Variants in CSNK2A2IP observed in about 807,000 individuals in gnomAD.
The protein encoded by CSNK2A2IP is casein kinase II subunit alpha'-interacting protein.
the CSNK2A2IP span, among the ~76,000 whole-genome samples, chr3:88,399,029 G>A: frequency 1.3e-5 from 2 of 151,860 alleles, no homozygotes; most frequent in Non-Finnish European, 2.9e-5. Context: ...CACATAAGGA[G>A]GTCTGTCAGA....
chr3:88,442,572 A>G, the CSNK2A2IP span, among the ~76,000 whole-genome samples: 1 of 152,148 alleles, frequency 6.6e-6, no homozygotes, highest in Non-Finnish European at 1.5e-5. Context: ...GCATTATTGA[A>G]CATTATACCA....
the CSNK2A2IP span, among the ~76,000 whole-genome samples, chr3:88,341,099 G>T: frequency 6.6e-6 from 1 of 151,804 alleles, no homozygotes; most frequent in Non-Finnish European, 1.5e-5. Context: ...AAGTTTTTAT[G>T]TGAAATAATA....
At chr3:88,388,593 T>C in the CSNK2A2IP span, among the ~76,000 whole-genome samples, 1 of 152,192 alleles carries the variant, frequency 6.6e-6, no homozygotes, top group Non-Finnish European at 1.5e-5. Context: ...AGAATATAAA[T>C]GCATCCAAGT....
the CSNK2A2IP span, among the ~76,000 whole-genome samples, chr3:88,400,355 G>A: frequency 1.3e-5 from 2 of 152,064 alleles, no homozygotes; most frequent in Non-Finnish European, 2.9e-5. Flanking sequence ...TAATGCTGCG[G>A]GAAATTTTGG....
chr3:88,395,152 T>C, the CSNK2A2IP span, among the ~76,000 whole-genome samples: 1 of 152,382 alleles, frequency 6.6e-6, no homozygotes, highest in South Asian at 2.1e-4. Flanking sequence ...TAAAATTTTC[T>C]CCTAGTTTTT....
At chr3:88,367,654 C>G in the CSNK2A2IP span, among the ~76,000 whole-genome samples, 3 of 152,030 alleles carry the variant, frequency 2.0e-5, no homozygotes, top group South Asian at 6.2e-4. Flanking sequence ...TAAGTCTGAA[C>G]AGGTTAATGC....
At chr3:88,446,103 TTTC>T in the CSNK2A2IP span, among the ~76,000 whole-genome samples, 19 of 144,622 alleles carry the variant, frequency 1.3e-4, no homozygotes, top group African/African-American at 2.9e-4. Flanking sequence ...TCTTTCTTTT[TTTC>T]TTTCTTTCTT....
chr3:88,405,144 T>G, the CSNK2A2IP span, among the ~76,000 whole-genome samples: 3 of 152,164 alleles, frequency 2.0e-5, no homozygotes, highest in African/African-American at 7.2e-5. Context: ...TTGCCCATGC[T>G]GTATTTGGAG....
At chr3:88,431,563 A>G in the CSNK2A2IP span, among the ~76,000 whole-genome samples, 1 of 152,136 alleles carries the variant, frequency 6.6e-6, no homozygotes, top group Admixed American at 6.6e-5. Flanking sequence ...TAAGGAACTT[A>G]CTCATGTAAC....
the CSNK2A2IP span, among the ~76,000 whole-genome samples, chr3:88,391,987 G>A: frequency 6.6e-6 from 1 of 152,174 alleles, no homozygotes; most frequent in Non-Finnish European, 1.5e-5. Flanking sequence ...AAATGACGGT[G>A]CATTGATGAG....
the CSNK2A2IP span, among the ~76,000 whole-genome samples, chr3:88,341,508 T>C: frequency 6.6e-6 from 1 of 151,906 alleles, no homozygotes; most frequent in South Asian, 2.1e-4. Context: ...TCCTCATCTG[T>C]AAGATGGAAA....
At chr3:88,467,397 G>C in the CSNK2A2IP span, 5 of 398,454 alleles carry the variant, frequency 1.3e-5, no homozygotes, top group African/African-American at 2.1e-5. Flanking sequence ...TGCCTGCAGG[G>C]GTCTCCTGGC....
chr3:88,446,554 C>T, the CSNK2A2IP span, among the ~76,000 whole-genome samples: 14,315 of 152,204 alleles, frequency 0.094, 1,311 homozygotes, highest in East Asian at 0.27. Context: ...GTTACTGCCA[C>T]AGTGAATGCT....
the CSNK2A2IP span, among the ~76,000 whole-genome samples, chr3:88,427,836 T>C: frequency 6.6e-6 from 1 of 152,122 alleles, no homozygotes; most frequent in Admixed American, 6.5e-5. Flanking sequence ...GAACCTCTGC[T>C]AAGGCAGTGC....
At chr3:88,423,032 T>C in the CSNK2A2IP span, among the ~76,000 whole-genome samples, 2 of 152,202 alleles carry the variant, frequency 1.3e-5, no homozygotes, top group South Asian at 4.1e-4. Context: ...TGAAGAAGCC[T>C]GGTGAGAATC....
chr3:88,354,516 A>C, the CSNK2A2IP span, among the ~76,000 whole-genome samples: 10 of 152,182 alleles, frequency 6.6e-5, no homozygotes, highest in Non-Finnish European at 1.2e-4. Context: ...TTGTAGGCAA[A>C]AGGATGGGTG....
the CSNK2A2IP span, among the ~76,000 whole-genome samples, chr3:88,446,086 CTTTCTT>C: frequency 2.4e-5 from 2 of 83,770 alleles, no homozygotes; most frequent in Non-Finnish European, 5.1e-5. Context: ...TTCTTTCTTT[CTTTCTT>C]TCTTTCTTTT....
chr3:88,461,369 C>G, the CSNK2A2IP span, among the ~76,000 whole-genome samples: 1 of 151,776 alleles, frequency 6.6e-6, no homozygotes, highest in Admixed American at 6.6e-5. Flanking sequence ...CTGGCTAACA[C>G]GGTGAAACCC....
the CSNK2A2IP span, among the ~76,000 whole-genome samples, chr3:88,410,734 T>C: frequency 6.6e-6 from 1 of 152,082 alleles, no homozygotes; most frequent in African/African-American, 2.4e-5. Context: ...GATTACTTCC[T>C]TGCTCTAATG....
Sources: allele counts gnomAD v4.1 joint callset (sites outside exome capture counted in the v4.1 genomes callset), GRCh38; gene constraint gnomAD v4.1.1; transcripts MANE v1.5; gene names NCBI Gene and HGNC (gene_info 2026-07-23, HGNC 2026-07-21).